NSUN3: variants seen among roughly 807,000 people sequenced by gnomAD.
The protein encoded by NSUN3 is tRNA (cytosine(34)-C(5))-methyltransferase, mitochondrial.
Under a neutral mutation model 36.8 loss-of-function variants are expected in NSUN3, and 24 were observed. The ratio of observed to expected loss-of-function variants is 0.65; its 90% confidence interval spans 0.47 to 0.92. The LOEUF (loss-of-function observed/expected upper bound fraction) is 0.92. Ranked by LOEUF, NSUN3 falls within the 40% of genes least tolerant of loss-of-function variation. The pLI, the probability that NSUN3 is intolerant of heterozygous loss-of-function variation, is 0.00. For missense variants in NSUN3, 381 were observed against 392.8 expected, an observed-to-expected ratio of 0.97 and a Z score of 0.25; for synonymous variants, 146 against 145.2, an observed-to-expected ratio of 1.01 and a Z score of -0.04.
In NSUN3 at chr3:94,094,145, C is replaced by A; in HGVS notation, c.472C>A (p.Leu158Ile). The A allele has an allele frequency of 6.3e-7, 1 of 1,592,588 alleles. No homozygotes were observed. The highest frequency in any genetic ancestry group is 1.4e-5 in the African/African-American group (1 of 73,816). ...ALLQCACPGYLHCNEYDSLRL... is the reference protein window; with the variant it reads ...ALLQCACPGYIHCNEYDSLRL... ...TTTTAATCCTTTTTATTTAGGTTAT[C>A]TTCATTGTAATGAATATGATAGTCT... The change falls in exon 4 of 6, where the codon CTT (leucine) becomes ATT (isoleucine). Residue 158 changes from leucine (L) to isoleucine (I), a missense_variant. Transcript: ENST00000314622.
chr3:94,068,605 A>C (rs1450168602), intron 2 of NSUN3, among the ~76,000 whole-genome samples: 1 of 152,236 alleles, frequency 6.6e-6, no homozygotes. Context: ...TGGATACTTA[A>C]TAAATGTATG....
Position 94,128,554 on chromosome 3 carries a change from C to CGTGTGTGTGT in NSUN3, c.*2085_*2094dup, listed in dbSNP as rs10576077. 1 of 138,310 alleles carries CGTGTGTGTGT rather than the reference C, an allele frequency of 7.2e-6. No homozygotes were observed. Among genetic ancestry groups the CGTGTGTGTGT allele is most frequent in the Non-Finnish European group, 1.5e-5 (1 of 64,570 alleles). 8.6% of individuals were successfully genotyped at this position (138,310 alleles called of 1,614,324 possible). Reference sequence around the variant, plus strand: ...CTATGATTACTGAAAAATGGATGCACGTGTGTGTGTGTGTGTGTGTGTGTG... The same window carrying CGTGTGTGTGT: ...CTATGATTACTGAAAAATGGATGCACGTGTGTGTGTGTGTGTGTGTGTGTGTGTGTGTGTG... On this transcript the variant is annotated 3_prime_UTR_variant, in exon 6 of 6. Transcript: ENST00000314622.
At chr3:94,070,639 G>A (rs533820686) in intron 2 of NSUN3, among the ~76,000 whole-genome samples, 114 of 152,166 alleles carry the variant, frequency 7.5e-4, no homozygotes, top group African/African-American at 2.7e-3. Flanking sequence ...TGTACATAAG[G>A]GGGCACATAT....
chr3:94,079,179 G>A (rs1172755074), intron 2 of NSUN3, among the ~76,000 whole-genome samples: 13 of 152,132 alleles, frequency 8.5e-5, no homozygotes, highest in South Asian at 2.1e-4. Context: ...TTTCTCCTTC[G>A]CTTATGAAGC....
chr3:94,102,941 C>T (rs572247335), intron 5 of NSUN3, among the ~76,000 whole-genome samples: 37 of 152,090 alleles, frequency 2.4e-4, no homozygotes, highest in African/African-American at 8.7e-4. Flanking sequence ...GGCTGGAGTG[C>T]AGTGGCATGA....
intron 5 of NSUN3, among the ~76,000 whole-genome samples, chr3:94,118,147 C>G (rs1241565249): frequency 6.6e-6 from 1 of 152,034 alleles, no homozygotes; most frequent in Non-Finnish European, 1.5e-5. Context: ...TGATGGATTT[C>G]CTAATTACCC....
chr3:94,116,107 A>AT (rs2077438609), intron 5 of NSUN3, among the ~76,000 whole-genome samples: 1 of 152,106 alleles, frequency 6.6e-6, no homozygotes, highest in Non-Finnish European at 1.5e-5. Context: ...TCAAGTAATA[A>AT]TTTTTCTTTT....
intron 5 of NSUN3, among the ~76,000 whole-genome samples, chr3:94,122,643 C>T (rs1284453306): frequency 1.3e-5 from 2 of 152,134 alleles, no homozygotes; most frequent in East Asian, 3.9e-4. Flanking sequence ...ATACACATCA[C>T]ACCTTTTTTG....
At chr3:94,103,515 A>G (rs1221268890) in intron 5 of NSUN3, among the ~76,000 whole-genome samples, 3 of 151,472 alleles carry the variant, frequency 2.0e-5, no homozygotes, top group African/African-American at 7.3e-5. Flanking sequence ...TTTATTTATT[A>G]CCCTTGGCTG....
At chr3:94,096,478 G>C (rs1417488481) in intron 5 of NSUN3, among the ~76,000 whole-genome samples, 1 of 151,426 alleles carries the variant, frequency 6.6e-6, no homozygotes, top group South Asian at 2.1e-4. Context: ...TTTTGATTTG[G>C]CTTCTTTGTT....
rs757233480 is a variant in NSUN3 at position 94,064,442 on chromosome 3, A to C, written c.18A>C (p.Lys6Asn). The change falls in exon 2 of 6, where the codon AAA becomes AAC. Residue 6 changes from lysine (K) to asparagine (N), a missense_variant. Transcript: ENST00000314622. MLTQL[K>N]AKSEGKLAKQ... ...ACTTTTTCTTATCGTCATAGCTGAA[A>C]GCAAAATCAGAGGGGAAGCTTGCAA... The C allele has an allele frequency of 6.2e-7, 1 of 1,611,532 alleles. No individual in the cohort carries two copies. The highest frequency in any genetic ancestry group is 8.5e-7 in the Non-Finnish European group (1 of 1,177,756).
At chr3:94,120,567 G>A (rs2077457292) in intron 5 of NSUN3, among the ~76,000 whole-genome samples, 1 of 152,030 alleles carries the variant, frequency 6.6e-6, no homozygotes. Context: ...ATGTTCTCAG[G>A]GTTAATCCAT....
intron 2 of NSUN3, among the ~76,000 whole-genome samples, chr3:94,075,301 C>T (rs1057408701): frequency 1.3e-5 from 2 of 151,868 alleles, no homozygotes; most frequent in Non-Finnish European, 1.5e-5. Context: ...AGGAAAGAAA[C>T]AACATGAAAA....
In NSUN3 at chr3:94,128,554, C is replaced by CGTGTGTGT. The variant is rs10576077; in HGVS notation, c.*2087_*2094dup. On this transcript the variant is annotated 3_prime_UTR_variant, in exon 6 of 6. Transcript: ENST00000314622. Reference sequence around the variant, plus strand: ...CTATGATTACTGAAAAATGGATGCACGTGTGTGTGTGTGTGTGTGTGTGTG... The same window carrying CGTGTGTGT: ...CTATGATTACTGAAAAATGGATGCACGTGTGTGTGTGTGTGTGTGTGTGTGTGTGTGTG... 1.4e-5 allele frequency: 2 copies of CGTGTGTGT among 138,308 alleles called. No individual in the cohort carries two copies. The highest frequency in any genetic ancestry group is 5.3e-5 in the African/African-American group (2 of 37,428). 8.6% of individuals were successfully genotyped at this position (138,308 alleles called of 1,614,324 possible).
At chr3:94,085,403 CTG>C (rs1262045974) in intron 3 of NSUN3, 1 of 152,122 alleles carries the variant, frequency 6.6e-6, no homozygotes, top group East Asian at 1.9e-4. Flanking sequence ...TCAATTCTGT[CTG>C]TTTTTTGTGT....
At chr3:94,075,730 GC>G (rs573466450) in intron 2 of NSUN3, among the ~76,000 whole-genome samples, 2,275 of 142,076 alleles carry the variant, frequency 0.016, 40 homozygotes, top group African/African-American at 0.039. Context: ...GCTGAATCAA[GC>G]CCCCCCCCCC....
At chr3:94,117,360 A>G (rs2077444925) in intron 5 of NSUN3, among the ~76,000 whole-genome samples, 1 of 152,136 alleles carries the variant, frequency 6.6e-6, no homozygotes, top group Non-Finnish European at 1.5e-5. Context: ...ACGACAGAGT[A>G]TGAGATAGAC....
intron 2 of NSUN3, chr3:94,076,206 G>A (rs1232386741): frequency 4.3e-6 from 4 of 919,544 alleles, no homozygotes; most frequent in Non-Finnish European, 7.3e-6. Flanking sequence ...TCACTGTGAG[G>A]TGACTACTGA....
intron 3 of NSUN3, among the ~76,000 whole-genome samples, chr3:94,091,360 A>C (rs952426547): frequency 6.6e-6 from 1 of 152,170 alleles, no homozygotes; most frequent in African/African-American, 2.4e-5. Flanking sequence ...GAGAGAGATT[A>C]AGAGTTTTTC....
Sources: gnomAD v4.1 joint callset for allele counts (sites outside exome capture counted in the v4.1 genomes callset) on GRCh38, gnomAD v4.1.1 for gene constraint, MANE v1.5 for transcripts, NCBI Gene and HGNC (gene_info 2026-07-23, HGNC 2026-07-21) for gene names.